PGBD5: variants seen among roughly 807,000 people sequenced by gnomAD.
PGBD5 encodes piggyBac transposable element-derived protein 5.
A neutral mutation model predicts 47.9 loss-of-function variants in PGBD5; 14 were observed. The ratio of observed to expected loss-of-function variants is 0.29; its 90% CI spans 0.19 to 0.46. The LOEUF is 0.46. Among genes scored for constraint, PGBD5 ranks in the 20% least tolerant of loss-of-function variants. The pLI is 1.00. For synonymous variants in PGBD5, 316 were observed against 306.3 expected (o/e 1.03, Z -0.33); for missense variants, 635 against 716.0 (o/e 0.89, Z 1.29).
intron 5 of PGBD5, among the ~76,000 whole-genome samples, chr1:230,332,633 C>CA (rs1480928923): frequency 1.3e-5 from 2 of 152,184 alleles, no homozygotes; most frequent in African/African-American, 4.8e-5. Flanking sequence ...TTACAACGAA[C>CA]AGGGAGCTCT....
intron 3 of PGBD5, among the ~76,000 whole-genome samples, chr1:230,341,146 A>C (rs541322851): frequency 1.7e-4 from 26 of 152,340 alleles, no homozygotes; most frequent in African/African-American, 5.5e-4. Context: ...ATGAGTTTCT[A>C]AAAGTGAATA....
At chr1:230,380,465 T>C (rs1299902061) in intron 1 of PGBD5, among the ~76,000 whole-genome samples, 1 of 152,172 alleles carries the variant, frequency 6.6e-6, no homozygotes, top group Non-Finnish European at 1.5e-5. Context: ...GGCTGGTCAC[T>C]TGTGGTGGAA....
chr1:230,354,557 T>C (rs1015551719), intron 2 of PGBD5, among the ~76,000 whole-genome samples: 8 of 152,334 alleles, frequency 5.3e-5, no homozygotes, highest in Non-Finnish European at 8.8e-5. Context: ...ATTATATAAC[T>C]TTTACCAATG....
rs578127939 is a variant in PGBD5 at position 230,398,336 on chromosome 1, C to T, written c.331+27262G>A. ...GCTTGTTTCCTGCTGAGGCCTCTCT[C>T]CTGGCTTGCACAGGGCGGTCTCCAT... On this transcript the variant is annotated intron_variant, in intron 1 of 6. Transcript: ENST00000391860. Among the ~76,000 whole-genome samples, 5 of 152,302 alleles carry T rather than the reference C, an allele frequency of 3.3e-5. No individual in the cohort carries two copies. In the South Asian group the frequency reaches 1.0e-3, roughly 32 times the overall value.
At chr1:230,377,497 C>T (rs1267466197) in intron 1 of PGBD5, 8 of 1,612,708 alleles carry the variant, frequency 5.0e-6, no homozygotes, top group Admixed American at 3.3e-5. Context: ...GACAGCTGTA[C>T]CTGTGAATGA....
intron 1 of PGBD5, among the ~76,000 whole-genome samples, chr1:230,415,544 T>A (rs751624969): frequency 3.6e-4 from 55 of 152,332 alleles, no homozygotes; most frequent in Non-Finnish European, 5.1e-4. Flanking sequence ...ATCTACTGGC[T>A]TCCTGTCTGC....
chr1:230,384,588 G>A (rs1250760724), intron 1 of PGBD5, among the ~76,000 whole-genome samples: 7 of 152,050 alleles, frequency 4.6e-5, no homozygotes, highest in Admixed American at 4.6e-4. Flanking sequence ...AGCAGGGGAG[G>A]TAAATTTTAT....
chr1:230,378,502 G>A (rs1668048064), intron 1 of PGBD5, among the ~76,000 whole-genome samples: 1 of 152,198 alleles, frequency 6.6e-6, no homozygotes, highest in Non-Finnish European at 1.5e-5. Flanking sequence ...TTAGGGTCTG[G>A]GAAGAAATGA....
chr1:230,401,918 C>G (rs1325223178), intron 1 of PGBD5, among the ~76,000 whole-genome samples: 1 of 152,144 alleles, frequency 6.6e-6, no homozygotes, highest in Non-Finnish European at 1.5e-5. Context: ...AGGCTGCTGG[C>G]CTTTGAGAGC....
At chr1:230,402,882 T>C (rs1657178076) in intron 1 of PGBD5, among the ~76,000 whole-genome samples, 1 of 152,224 alleles carries the variant, frequency 6.6e-6, no homozygotes, top group African/African-American at 2.4e-5. Flanking sequence ...AGCAACTGCT[T>C]ATATGACCAT....
rs181083740 is a variant in PGBD5, at chr1:230,334,917, A to G, written c.1076-1876T>C. Among the ~76,000 whole-genome samples, 65 of 152,248 alleles carry G rather than the reference A, an allele frequency of 4.3e-4. No individual in the cohort carries two copies. The East Asian group carries it at 0.011, about 25-fold the overall frequency. On this transcript the variant is annotated intron_variant, in intron 4 of 6. Coordinates refer to ENST00000391860, the MANE Select transcript of PGBD5 (RefSeq NM_001258311.2). Reference sequence around the variant, plus strand: ...CAAGAGGCATCCCCTCCTCAGAACCACAGGAGCAGCACACTCAGCTCTTTG... The same window carrying G: ...CAAGAGGCATCCCCTCCTCAGAACCGCAGGAGCAGCACACTCAGCTCTTTG...
intron 1 of PGBD5, among the ~76,000 whole-genome samples, chr1:230,384,506 A>G (rs1571851360): frequency 6.6e-6 from 1 of 152,182 alleles, no homozygotes; most frequent in South Asian, 2.1e-4. Flanking sequence ...ACAGTTTCCT[A>G]CCTGCTGAGC....
At chr1:230,332,546 T>C (rs1051910631) in intron 5 of PGBD5, among the ~76,000 whole-genome samples, 18 of 152,204 alleles carry the variant, frequency 1.2e-4, no homozygotes, top group Non-Finnish European at 2.4e-4. Flanking sequence ...TGAAATGCCA[T>C]TCAAATGCAG....
intron 1 of PGBD5, among the ~76,000 whole-genome samples, chr1:230,375,561 T>C (rs1190015323): frequency 6.6e-6 from 1 of 152,046 alleles, no homozygotes; most frequent in Non-Finnish European, 1.5e-5. Flanking sequence ...TAACTCAGCA[T>C]CTTCCTAATC....
At chr1:230,419,606 A>G (rs1021961832) in intron 1 of PGBD5, among the ~76,000 whole-genome samples, 1 of 152,168 alleles carries the variant, frequency 6.6e-6, no homozygotes, top group Non-Finnish European at 1.5e-5. Context: ...TACTCCTCTA[A>G]GAGCCATCTT....
chr1:230,369,357 C>G lies in PGBD5; in HGVS notation c.332-12036G>C, dbSNP rs189787065. On this transcript the variant is annotated intron_variant, in intron 1 of 6. Coordinates refer to ENST00000391860, the MANE Select transcript of PGBD5 (RefSeq NM_001258311.2). ...AAGACAGGCTCATGGGTCAGGGGGA[C>G]TGCTTGCCCTCTGCTCACCCCTCCA... Among the ~76,000 whole-genome samples, 193 of 152,358 alleles carry G rather than the reference C, an allele frequency of 1.3e-3. 1 individual carries two copies. Among genetic ancestry groups the G allele is most frequent in the African/African-American group, 4.4e-3 (184 of 41,594 alleles).
At chr1:230,388,415 A>AT (rs1000234500) in intron 1 of PGBD5, among the ~76,000 whole-genome samples, 5,876 of 134,472 alleles carry the variant, frequency 0.044, 167 homozygotes, top group South Asian at 0.096. Context: ...TGTTGGCCAC[A>AT]TTTTTTTTTT....
chr1:230,347,476 C>CTTTTTTTTTT (rs71733326), intron 3 of PGBD5, among the ~76,000 whole-genome samples: 3 of 113,446 alleles, frequency 2.6e-5, no homozygotes, highest in Non-Finnish European at 3.6e-5. Context: ...ATTTTCTTTT[C>CTTTTTTTTTT]TTTTTTTTTT....
chr1:230,336,931 C>T (rs572843132), intron 4 of PGBD5, among the ~76,000 whole-genome samples, 177 bp downstream of exon 4: 3 of 152,364 alleles, frequency 2.0e-5, no homozygotes, highest in East Asian at 3.9e-4. Flanking sequence ...TAGTGCCCAG[C>T]GGGATCCAGC....
Sources: allele counts gnomAD v4.1 joint callset (sites outside exome capture counted in the v4.1 genomes callset), GRCh38; gene constraint gnomAD v4.1.1; transcripts MANE v1.5; gene names NCBI Gene and HGNC (gene_info 2026-07-23, HGNC 2026-07-21).